GABRB2: variants seen among roughly 807,000 people sequenced by gnomAD.
The protein encoded by GABRB2 is gamma-aminobutyric acid receptor subunit beta-2.
In GABRB2, 16 loss-of-function variants were observed where a neutral mutation model predicts 54.7. That is an observed-to-expected ratio of 0.29 (90% confidence interval 0.20 to 0.44). The LOEUF (loss-of-function observed/expected upper bound fraction) is 0.44. Ranked by LOEUF, GABRB2 falls within the 20% of genes least tolerant of loss-of-function variation. The pLI is 1.00. For synonymous variants in GABRB2, 244 were observed against 233.8 expected (o/e 1.04, Z -0.40); for missense variants, 355 against 644.0 (o/e 0.55, Z 4.86).
chr5:161,406,208 G>A (rs1435644782), intron 5 of GABRB2, among the ~76,000 whole-genome samples: 1 of 152,010 alleles, frequency 6.6e-6, no homozygotes, highest in Admixed American at 6.6e-5. Flanking sequence ...ATGTCAAAAT[G>A]TTTTAAAATA....
intron 5 of GABRB2, among the ~76,000 whole-genome samples, chr5:161,386,742 A>G (rs900310377): frequency 1.3e-5 from 2 of 149,964 alleles, no homozygotes; most frequent in Non-Finnish European, 2.9e-5. Context: ...GGGTTTCACC[A>G]TGTTGCCCAG....
intron 5 of GABRB2, among the ~76,000 whole-genome samples, chr5:161,359,317 T>C (rs187602312): frequency 1.1e-3 from 162 of 152,318 alleles, no homozygotes; most frequent in Non-Finnish European, 1.8e-3. Context: ...GTTGACATAG[T>C]TGTAAGACTT....
intron 3 of GABRB2, among the ~76,000 whole-genome samples, chr5:161,474,126 G>C (rs1179462732): frequency 6.6e-6 from 1 of 151,960 alleles, no homozygotes; most frequent in East Asian, 1.9e-4. Context: ...ATTGGGAAGA[G>C]ACCAGCTCTA....
At chr5:161,423,650 G>A (rs1248200089) in intron 4 of GABRB2, among the ~76,000 whole-genome samples, 1 of 151,880 alleles carries the variant, frequency 6.6e-6, no homozygotes, top group Non-Finnish European at 1.5e-5. Flanking sequence ...CTCTCCTCAG[G>A]CCTTCCTATT....
chr5:161,349,567 C>T (rs191678056), intron 5 of GABRB2, among the ~76,000 whole-genome samples: 47 of 152,142 alleles, frequency 3.1e-4, no homozygotes, highest in African/African-American at 1.0e-3. Context: ...AGAGGTGGTG[C>T]GGTGTTCCTT....
At position 161,288,759 on chromosome 5, in the gene GABRB2, C is replaced by G. The variant is rs1466012421; in HGVS notation, c.*5322G>C. The G allele has an allele frequency of 6.6e-6, 1 of 151,384 alleles. No individual in the cohort carries two copies. The allele number at this position is 151,384 out of a possible 1,614,324, so 9.4% of individuals were successfully genotyped here. A position where few individuals can be genotyped will look rare whatever the true frequency, so the allele number is the denominator to read the frequency against. On this transcript the variant is annotated 3_prime_UTR_variant, in exon 10 of 10. Transcript: ENST00000393959. ...TGATAATCACTACATTGTGAAGAAACTAGAATATCACTTTTTTTTTTTATA... is the reference window on the plus strand; with the variant it reads ...TGATAATCACTACATTGTGAAGAAAGTAGAATATCACTTTTTTTTTTTATA...
intron 3 of GABRB2, among the ~76,000 whole-genome samples, chr5:161,474,902 C>T (rs965498525): frequency 4.6e-5 from 7 of 151,876 alleles, no homozygotes; most frequent in African/African-American, 1.7e-4. Context: ...ACTATAAAAG[C>T]AATCTCCTAG....
intron 5 of GABRB2, among the ~76,000 whole-genome samples, chr5:161,369,940 TA>T (rs1755084205): frequency 6.6e-6 from 1 of 152,098 alleles, no homozygotes; most frequent in Non-Finnish European, 1.5e-5. Flanking sequence ...CAAAATAAAT[TA>T]AATTGTCTCT....
intron 3 of GABRB2, among the ~76,000 whole-genome samples, chr5:161,502,582 T>A (rs545859246): frequency 6.6e-6 from 1 of 152,130 alleles, no homozygotes; most frequent in Admixed American, 6.6e-5. Flanking sequence ...ATCAATTGTG[T>A]TTAAGTATTG....
chr5:161,411,162 TA>T, intron 4 of GABRB2, 105 bp from the exon 5 acceptor site: 1 of 799,088 alleles, frequency 1.3e-6, no homozygotes, highest in South Asian at 1.7e-5. Flanking sequence ...CCCTAAGTAC[TA>T]ATGAAAATGA....
At chr5:161,330,849 T>G in intron 8 of GABRB2, 34 bp downstream of exon 8, 1 of 1,613,742 alleles carries the variant, frequency 6.2e-7, no homozygotes, top group Non-Finnish European at 8.5e-7. Context: ...TCCATGAGTT[T>G]AAGAAGCAAG....
At chr5:161,479,418 A>T (rs1031479809) in intron 3 of GABRB2, among the ~76,000 whole-genome samples, 1 of 152,064 alleles carries the variant, frequency 6.6e-6, no homozygotes, top group Non-Finnish European at 1.5e-5. Context: ...AGCTCACTCT[A>T]GTCCTTCCTG....
intron 9 of GABRB2, among the ~76,000 whole-genome samples, chr5:161,303,787 C>G (rs1411479118): frequency 6.6e-6 from 1 of 152,160 alleles, no homozygotes; most frequent in Non-Finnish European, 1.5e-5. Context: ...GAAAATAACA[C>G]TAACCTCAGA....
At chr5:161,335,886 G>C (rs1056382117) in intron 6 of GABRB2, among the ~76,000 whole-genome samples, 7 of 152,128 alleles carry the variant, frequency 4.6e-5, no homozygotes, top group Non-Finnish European at 1.0e-4. Context: ...CTTCTTAGCA[G>C]AAGGGCCATT....
intron 3 of GABRB2, among the ~76,000 whole-genome samples, chr5:161,507,381 A>G (rs1759637110): frequency 6.6e-6 from 1 of 152,140 alleles, no homozygotes; most frequent in African/African-American, 2.4e-5. Context: ...ACATGGTTAT[A>G]TAAGATGTTA....
intron 4 of GABRB2, among the ~76,000 whole-genome samples, chr5:161,454,122 T>G (rs1307581227): frequency 6.6e-6 from 1 of 151,544 alleles, no homozygotes; most frequent in Non-Finnish European, 1.5e-5. Context: ...GGAGGAGTGA[T>G]AAGACATGAT....
chr5:161,541,229 T>C (rs2113477487), intron 3 of GABRB2, among the ~76,000 whole-genome samples: 1 of 152,012 alleles, frequency 6.6e-6, no homozygotes, highest in Non-Finnish European at 1.5e-5. Context: ...CAATAAATCA[T>C]GCTGTAAACA....
rs2113253124 is a variant in GABRB2, at chr5:161,456,306, C to T, written c.458+3318G>A. ...TCAGAAATCCACACAGCAAAATTCC[C>T]TACTAAACTGGAACCAGTGTGAACC... On this transcript the variant is annotated intron_variant, in intron 4 of 9. Transcript: ENST00000393959. Among the ~76,000 whole-genome samples the T allele has an allele frequency of 1.3e-5, 2 of 152,302 alleles. 1 individual carries two copies. The highest frequency in any genetic ancestry group is 4.1e-4 in the South Asian group (2 of 4,830).
intron 3 of GABRB2, among the ~76,000 whole-genome samples, chr5:161,534,045 A>G (rs1362289646): frequency 6.6e-6 from 1 of 152,202 alleles, no homozygotes; most frequent in African/African-American, 2.4e-5. Context: ...GCTAATAACC[A>G]TAAATGAAAA....
Sources: gnomAD v4.1 joint callset for allele counts (sites outside exome capture counted in the v4.1 genomes callset) on GRCh38, gnomAD v4.1.1 for gene constraint, MANE v1.5 for transcripts, NCBI Gene and HGNC (gene_info 2026-07-23, HGNC 2026-07-21) for gene names.